NCR1: variants seen among roughly 807,000 people sequenced by gnomAD.
NCR1 encodes natural cytotoxicity triggering receptor 1.
Under a neutral mutation model 32.5 loss-of-function variants are expected in NCR1, and 30 were observed. The observed-to-expected ratio is 0.92, with a 90% confidence interval of 0.69 to 1.25. The LOEUF is 1.25. NCR1 is among the 50% of genes most tolerant of loss of function. NCR1 has a pLI of 0.00. For missense variants in NCR1, 369 were observed against 380.7 expected (o/e 0.97, Z 0.26); for synonymous variants, 169 against 143.4 (o/e 1.18, Z -1.28).
rs587745294 is a variant in NCR1, at chr19:54,909,229, C to T, written c.356-16C>T. 4 of 1,599,002 alleles carry T rather than the reference C, an allele frequency of 2.5e-6. No individual in the cohort carries two copies. The African/African-American group carries it at 4.0e-5, about 16-fold the overall frequency. On this transcript the variant is annotated splice_polypyrimidine_tract_variant and intron_variant, in intron 3 of 6. Transcript: ENST00000291890. ...TCACTGAGTTTCTGGTGTGGTGGCC[C>T]CACCTTCTCTCATAGAAATGTATGA... is the stretch of plus-strand genomic sequence containing the variant.
At chr19:54,923,863 G>A in the NCR1 span, 1 of 1,613,828 alleles carries the variant, frequency 6.2e-7, no homozygotes, top group Non-Finnish European at 8.5e-7. Flanking sequence ...TAGTTTCATA[G>A]GTCTTCAACC....
chr19:54,921,435 T>G, the NCR1 span, among the ~76,000 whole-genome samples: 6 of 152,160 alleles, frequency 3.9e-5, no homozygotes, highest in Admixed American at 2.6e-4. Context: ...ATGGGATCAT[T>G]CAGTGCTGAA....
the NCR1 span, among the ~76,000 whole-genome samples, chr19:54,934,890 T>G: frequency 6.6e-6 from 1 of 152,176 alleles, no homozygotes; most frequent in African/African-American, 2.4e-5. This position sits in a 1 kb window ranked among gnomAD's most constrained non-coding sequence, Gnocchi z 6.7. Flanking sequence ...AGAGACGGGA[T>G]TTCACCATGT....
At chr19:54,903,479 T>A (rs1006364159), upstream of NCR1, among the ~76,000 whole-genome samples, 7 of 146,796 alleles carry the variant, frequency 4.8e-5, no homozygotes, top group Non-Finnish European at 1.1e-4. Flanking sequence ...CACGGATACA[T>A]GTATGTATAT....
At chr19:54,919,829 C>T (rs562039316), downstream of NCR1, among the ~76,000 whole-genome samples, 99 of 151,690 alleles carry the variant, frequency 6.5e-4, no homozygotes, top group African/African-American at 2.1e-3. Flanking sequence ...TCTTCCCAGA[C>T]GCTGGCGTCA....
chr19:54,923,697 G>A, the NCR1 span: 21 of 1,610,286 alleles, frequency 1.3e-5, no homozygotes, highest in African/African-American at 5.3e-5. Flanking sequence ...TTAGAGACCC[G>A]AATCCCGCTT....
At chr19:54,914,179 C>CTTTTT (rs901003519), downstream of NCR1, among the ~76,000 whole-genome samples, 1 of 92,620 alleles carries the variant, frequency 1.1e-5, no homozygotes. Context: ...TTTTTTTTTT[C>CTTTTT]TTTTTTTTTG....
chr19:54,905,046 C>A (rs1415827713), upstream of NCR1, among the ~76,000 whole-genome samples: 2 of 152,158 alleles, frequency 1.3e-5, no homozygotes, highest in Non-Finnish European at 2.9e-5. Flanking sequence ...AATGAACATA[C>A]AAGTGCATGT....
intron 5 of NCR1, among the ~76,000 whole-genome samples, chr19:54,911,222 G>A (rs11084378): frequency 0.1 from 15,775 of 151,810 alleles, 1,218 homozygotes; most frequent in East Asian, 0.39. Context: ...GGTGGCGGGC[G>A]CCTGTAGTCC....
downstream of NCR1, among the ~76,000 whole-genome samples, chr19:54,916,443 C>T (rs1391645759): frequency 4.0e-5 from 6 of 149,012 alleles, no homozygotes; most frequent in Admixed American, 2.0e-4. Flanking sequence ...CTCAGCCTCC[C>T]GAGTAGCTGG....
At chr19:54,934,812 C>T in the NCR1 span, among the ~76,000 whole-genome samples, 3 of 151,994 alleles carry the variant, frequency 2.0e-5, no homozygotes, top group Non-Finnish European at 2.9e-5. This position sits in a 1 kb window ranked among gnomAD's most constrained non-coding sequence, Gnocchi z 6.7. Context: ...CGGGTTCAAG[C>T]TATTCTCCTG....
downstream of NCR1, among the ~76,000 whole-genome samples, chr19:54,916,894 C>T (rs987643461): frequency 3.3e-4 from 50 of 151,552 alleles, no homozygotes; most frequent in Non-Finnish European, 8.8e-5. Context: ...AGACATAACC[C>T]ACACTGGTGG....
chr19:54,936,258 C>A, the NCR1 span: 1 of 1,612,396 alleles, frequency 6.2e-7, no homozygotes, highest in Non-Finnish European at 8.5e-7. Context: ...CCGTGAGACC[C>A]ACCTCAGGTA....
downstream of NCR1, among the ~76,000 whole-genome samples, chr19:54,918,354 C>T (rs1047358960): frequency 6.6e-6 from 1 of 152,044 alleles, no homozygotes; most frequent in Non-Finnish European, 1.5e-5. Flanking sequence ...CAACAACCTC[C>T]GCCTCCCGGG....
chr19:54,921,325 C>A, the NCR1 span, among the ~76,000 whole-genome samples: 1 of 152,178 alleles, frequency 6.6e-6, no homozygotes, highest in East Asian at 1.9e-4. Context: ...CTGACTGTAG[C>A]CTTAAACACC....
At chr19:54,922,492 G>C in the NCR1 span, among the ~76,000 whole-genome samples, 1 of 151,918 alleles carries the variant, frequency 6.6e-6, no homozygotes, top group Non-Finnish European at 1.5e-5. Flanking sequence ...GAAACAGACA[G>C]ACAGGCTGGG....
the NCR1 span, among the ~76,000 whole-genome samples, chr19:54,935,128 T>C: frequency 0.03 from 4,586 of 152,230 alleles, 225 homozygotes; most frequent in African/African-American, 0.1. Flanking sequence ...AGTATCCCCA[T>C]GGCCATTAGG....
chr19:54,916,702 ATTTTTTTTTTTT>A (rs35842513), downstream of NCR1, among the ~76,000 whole-genome samples: 1 of 50,482 alleles, frequency 2.0e-5, no homozygotes, highest in Admixed American at 3.0e-4. Flanking sequence ...CAACTGTTCT[ATTTTTTTTTTTT>A]TTTTTTTTTT....
the NCR1 span, chr19:54,934,705 T>G: frequency 6.7e-7 from 1 of 1,499,260 alleles, no homozygotes. This position sits in a 1 kb window ranked among gnomAD's most constrained non-coding sequence, Gnocchi z 6.7. Flanking sequence ...GGACAGAGTA[T>G]ACCCTATCAG....
Sources: allele counts gnomAD v4.1 joint callset (sites outside exome capture counted in the v4.1 genomes callset), GRCh38; gene constraint gnomAD v4.1.1; non-coding constraint Gnocchi (gnomAD v3.1); transcripts MANE v1.5; gene names NCBI Gene and HGNC (gene_info 2026-07-23, HGNC 2026-07-21).